Variants in FBXW8 observed in about 807,000 individuals in gnomAD.
FBXW8 encodes the protein F-box/WD repeat-containing protein 8.
In FBXW8, 57 loss-of-function variants were observed where a neutral mutation model predicts 65.3. The observed-to-expected ratio is 0.87, with a 90% CI of 0.71 to 1.09. FBXW8 has a LOEUF of 1.09. FBXW8 is among the 50% of genes least tolerant of loss of function. The pLI, the probability that FBXW8 is intolerant of heterozygous loss-of-function variation, is 0.00. For missense variants in FBXW8, 777 were observed against 814.8 expected, an observed-to-expected ratio of 0.95 and a Z score of 0.57; for synonymous variants, 308 against 330.2, an observed-to-expected ratio of 0.93 and a Z score of 0.73.
intron 5 of FBXW8, among the ~76,000 whole-genome samples, chr12:116,983,375 C>G (rs11609917): frequency 6.6e-6 from 1 of 152,088 alleles, no homozygotes; most frequent in African/African-American, 2.4e-5. Context: ...CCGCTTATCC[C>G]CCAAGTTTAT....
rs189870209 is a variant in FBXW8 at position 117,005,068 on chromosome 12, C to T, written c.1240-5255C>T. Among the ~76,000 whole-genome samples, 4 of 152,244 alleles carry T rather than the reference C, an allele frequency of 2.6e-5. No homozygotes were observed. The East Asian group carries it at 7.7e-4, about 29-fold the overall frequency. On this transcript the variant is annotated intron_variant, in intron 7 of 10. Coordinates refer to ENST00000652555, the MANE Select transcript of FBXW8 (RefSeq NM_153348.3). ...GCCATGTTGTCAGAGGTGGGACTGTCGGACTGGATGTAGTTGGGGCACTCT... is the reference window on the plus strand; with the variant it reads ...GCCATGTTGTCAGAGGTGGGACTGTTGGACTGGATGTAGTTGGGGCACTCT...
chr12:116,960,776 T>C (rs1185201243), intron 4 of FBXW8, among the ~76,000 whole-genome samples: 1 of 152,206 alleles, frequency 6.6e-6, no homozygotes, highest in Non-Finnish European at 1.5e-5. Context: ...GGCACTGCGG[T>C]AGGGCCTTCT....
At chr12:116,985,508 T>C in intron 6 of FBXW8, 106 bp downstream of exon 6, 1 of 1,112,676 alleles carries the variant, frequency 9.0e-7, no homozygotes, top group Non-Finnish European at 1.3e-6. Flanking sequence ...CAGAGCTTCC[T>C]GCGGGCCTTA....
intron 8 of FBXW8, among the ~76,000 whole-genome samples, chr12:117,011,118 T>C (rs1479858228): frequency 7.7e-6 from 1 of 129,336 alleles, no homozygotes; most frequent in African/African-American, 3.9e-5. Context: ...TCCTTGTTTT[T>C]TTCTTTTCCT....
At chr12:116,996,849 A>G (rs1385607997) in intron 7 of FBXW8, among the ~76,000 whole-genome samples, 4 of 152,148 alleles carry the variant, frequency 2.6e-5, no homozygotes, top group Middle Eastern at 3.2e-3. Context: ...CACTGGAAAC[A>G]TAGAGATGAG....
intron 4 of FBXW8, among the ~76,000 whole-genome samples, chr12:116,954,360 G>T (rs1883502356): frequency 6.6e-6 from 1 of 151,892 alleles, no homozygotes; most frequent in South Asian, 2.1e-4. Context: ...TTTTCATGTT[G>T]CATATTTTTC....
intron 8 of FBXW8, among the ~76,000 whole-genome samples, chr12:117,021,119 A>G (rs996675991): frequency 1.6e-4 from 25 of 152,214 alleles, no homozygotes; most frequent in Non-Finnish European, 3.1e-4. Flanking sequence ...CCTGCCACAC[A>G]GTGCCTCGTA....
intron 1 of FBXW8, among the ~76,000 whole-genome samples, chr12:116,920,272 C>T (rs1880788342): frequency 6.6e-6 from 1 of 152,230 alleles, no homozygotes; most frequent in African/African-American, 2.4e-5. Context: ...ACTAGAACAA[C>T]TTGTGACTTA....
chr12:117,010,496 C>T, intron 8 of FBXW8, 46 bp downstream of exon 8: 1 of 1,613,218 alleles, frequency 6.2e-7, no homozygotes, highest in South Asian at 1.1e-5. Context: ...ATGGCTTCTG[C>T]CAAGGCCCGG....
chr12:116,947,337 T>A (rs1259926078), intron 3 of FBXW8, among the ~76,000 whole-genome samples: 7 of 152,154 alleles, frequency 4.6e-5, no homozygotes, highest in African/African-American at 1.7e-4. Context: ...TAAGGTCCAT[T>A]TCCTGACAGT....
intron 8 of FBXW8, among the ~76,000 whole-genome samples, chr12:117,019,421 G>T (rs1201124502): frequency 6.6e-6 from 1 of 152,096 alleles, no homozygotes; most frequent in African/African-American, 2.4e-5. Context: ...CCCTGGAATC[G>T]GTTGTCTTGG....
At position 117,020,508 on chromosome 12, in the gene FBXW8, C is replaced by A. The variant is rs546069101; in HGVS notation, c.1368-3639C>A. ...CCTTCTGTCCCTCATGTCTCTTATA[C>A]CCCCATTCGCAGTTTTCATATTTAT... On this transcript the variant is annotated intron_variant, in intron 8 of 10. Transcript: ENST00000652555. 2.0e-5 allele frequency among the ~76,000 whole-genome samples: 3 copies of A among 152,300 alleles called. No individual in the cohort carries two copies. The South Asian group carries it at 6.2e-4, about 32-fold the overall frequency.
At chr12:116,955,047 GGC>G (rs1491151072) in intron 4 of FBXW8, among the ~76,000 whole-genome samples, 2 of 149,994 alleles carry the variant, frequency 1.3e-5, no homozygotes, top group East Asian at 2.0e-4. Flanking sequence ...GGGGGGGGGG[GGC>G]CCTGTATTAA....
At chr12:116,962,381 G>A (rs141766064) in intron 4 of FBXW8, among the ~76,000 whole-genome samples, 193 of 152,282 alleles carry the variant, frequency 1.3e-3, no homozygotes, top group Middle Eastern at 6.8e-3. Flanking sequence ...TTGTTTTGCT[G>A]TCATTTTGGC....
chr12:116,985,314 C>T lies in FBXW8; in HGVS notation c.944C>T (p.Ala315Val). 1 of 1,614,172 alleles carries T rather than the reference C, an allele frequency of 6.2e-7. No individual in the cohort carries two copies. The highest frequency in any genetic ancestry group is 2.2e-5 in the East Asian group (1 of 44,884). Residue 315 changes from alanine (A) to valine (V), a missense_variant, in exon 6 of 11, where the codon GCC (alanine) becomes GTC (valine). Physicochemically the swap from Ala to Val is moderately conservative, Grantham distance 64 (BLOSUM62 0). Coordinates refer to ENST00000652555, the MANE Select transcript of FBXW8 (RefSeq NM_153348.3). ...CTCAGCCAGGACGATGCAACCGTGG[C>T]CACAGCTTCTGCTTTTGATGTCGTG... ...LALSQDDATVATASAFDVVML... is the reference protein window; with the variant it reads ...LALSQDDATVVTASAFDVVML...
At chr12:117,025,800 G>C (rs927183634) in intron 9 of FBXW8, among the ~76,000 whole-genome samples, 5 of 150,680 alleles carry the variant, frequency 3.3e-5, no homozygotes, top group Non-Finnish European at 7.4e-5. Flanking sequence ...CCCTGGATCA[G>C]CCATCCAGGT....
chr12:116,959,081 T>C (rs1055753634), intron 4 of FBXW8, among the ~76,000 whole-genome samples: 1 of 152,196 alleles, frequency 6.6e-6, no homozygotes, highest in Admixed American at 6.5e-5. Flanking sequence ...GAAGTCTTGC[T>C]AACGGTTCCA....
At chr12:116,991,370 G>A (rs749015243) in intron 7 of FBXW8, among the ~76,000 whole-genome samples, 20 of 152,190 alleles carry the variant, frequency 1.3e-4, no homozygotes, top group South Asian at 6.2e-4. Flanking sequence ...TTTAAGAAAC[G>A]TAATTGTCAT....
chr12:116,975,790 C>G (rs940948477), intron 5 of FBXW8, among the ~76,000 whole-genome samples: 3 of 152,116 alleles, frequency 2.0e-5, no homozygotes, highest in African/African-American at 4.8e-5. Flanking sequence ...ATGAGCAGTA[C>G]TTTTCAAAAG....
Sources: allele counts gnomAD v4.1 joint callset (sites outside exome capture counted in the v4.1 genomes callset), GRCh38; gene constraint gnomAD v4.1.1; transcripts MANE v1.5; gene names NCBI Gene and HGNC (gene_info 2026-07-23, HGNC 2026-07-21).